The following FHL2 variants were observed in gnomAD, a reference collection of about 807,000 sequenced individuals.
FHL2 encodes four and a half LIM domains protein 2.
In FHL2, 20 loss-of-function variants were observed where a neutral mutation model predicts 32.7. The ratio of observed to expected loss-of-function variants is 0.61; its 90% CI spans 0.43 to 0.89. The LOEUF is 0.89. Among genes scored for constraint, FHL2 ranks in the 40% least tolerant of loss-of-function variants. FHL2 has a pLI of 0.00. For missense variants in FHL2, 311 were observed against 358.6 expected (o/e 0.87, Z 1.07); for synonymous variants, 123 against 128.1 (o/e 0.96, Z 0.27).
At chr2:105,399,846 G>A (rs886493825), upstream of FHL2, among the ~76,000 whole-genome samples, 2 of 152,230 alleles carry the variant, frequency 1.3e-5, no homozygotes, top group Non-Finnish European at 2.9e-5. Context: ...CGGTCCACTT[G>A]CAGAAACCGG....
chr2:105,393,301 T>A (rs956717558), intron 2 of FHL2, among the ~76,000 whole-genome samples: 1 of 152,056 alleles, frequency 6.6e-6, no homozygotes, highest in African/African-American at 2.4e-5. Context: ...TAAGGAGAAA[T>A]CTGTGAACGT....
chr2:105,396,707 G>T lies in FHL2; in HGVS notation c.-75-10C>A. 6.2e-7 allele frequency: 1 copy of T among 1,612,504 alleles called. No homozygotes were observed. The highest frequency in any genetic ancestry group is 8.5e-7 in the Non-Finnish European group (1 of 1,179,704). The stretch of plus-strand genomic sequence containing the variant: ...ACACAGTTCTCAGCCACTAGAGAAA[G>T]CACACGTGTTTTGTTTCAGATGGTC... On this transcript the variant is annotated splice_polypyrimidine_tract_variant and intron_variant, in intron 1 of 6. Coordinates refer to ENST00000530340, the MANE Select transcript of FHL2 (RefSeq NM_001318895.3).
At chr2:105,407,252 C>T (rs1229985839) in intron 1 of FHL2, among the ~76,000 whole-genome samples, 3 of 151,992 alleles carry the variant, frequency 2.0e-5, no homozygotes, top group East Asian at 1.9e-4. Flanking sequence ...ATTAGCTGGA[C>T]GTGGTGGCGG....
chr2:105,397,881 G>GTTTTTTTTTTTTTTT (rs749684273), intron 1 of FHL2, among the ~76,000 whole-genome samples: 1 of 116,300 alleles, frequency 8.6e-6, no homozygotes, highest in African/African-American at 3.1e-5. Context: ...TTGTTTTTTT[G>GTTTTTTTTTTTTTTT]TTTTTTGTTT....
At chr2:105,395,973 C>T (rs538652696) in intron 2 of FHL2, among the ~76,000 whole-genome samples, 3 of 152,112 alleles carry the variant, frequency 2.0e-5, no homozygotes, top group African/African-American at 4.8e-5. Flanking sequence ...CCAGACCCCT[C>T]GTGACATCCC....
chr2:105,402,564 A>T (rs1013052913), upstream of FHL2, among the ~76,000 whole-genome samples: 4 of 152,150 alleles, frequency 2.6e-5, no homozygotes, highest in African/African-American at 9.6e-5. Flanking sequence ...AATATATTTT[A>T]AAAATAAAAG....
chr2:105,358,410 G>A (rs1265030821), downstream of FHL2: 1 of 152,240 alleles, frequency 6.6e-6, no homozygotes, highest in African/African-American at 2.4e-5. Flanking sequence ...GCAGGCTAGG[G>A]TAGGGGCAAT....
At chr2:105,360,174 G>C (rs955359025), downstream of FHL2, 3 of 152,062 alleles carry the variant, frequency 2.0e-5, no homozygotes, top group East Asian at 5.9e-4. Flanking sequence ...AATGGTGGGT[G>C]CCTGTAATCC....
At chr2:105,437,126 C>A (rs1223265893) in intron 1 of FHL2, among the ~76,000 whole-genome samples, 3 of 152,158 alleles carry the variant, frequency 2.0e-5, no homozygotes, top group African/African-American at 7.2e-5. Context: ...GGTGAGCAGT[C>A]AGGGAACCCC....
At chr2:105,399,294 C>T (rs959785881), upstream of FHL2, 3 of 1,535,812 alleles carry the variant, frequency 2.0e-6, no homozygotes, top group Admixed American at 3.9e-5. Flanking sequence ...GGAGCGTCGC[C>T]TCCGGCGTGG....
At chr2:105,426,323 A>G (rs539019717) in intron 1 of FHL2, among the ~76,000 whole-genome samples, 1 of 152,374 alleles carries the variant, frequency 6.6e-6, no homozygotes, top group East Asian at 1.9e-4. Flanking sequence ...GTCAGTATTC[A>G]TTTTTGACGT....
In FHL2 at chr2:105,396,662, C is replaced by T. The variant is rs865854416; in HGVS notation, c.-40G>A. The T allele has an allele frequency of 1.2e-6, 2 of 1,612,764 alleles. No homozygotes were observed. Among genetic ancestry groups the T allele is most frequent in the South Asian group, 1.1e-5 (1 of 91,052 alleles). The stretch of plus-strand genomic sequence containing the variant: ...CTTGACTCACCCCAAAGTCAAAATG[C>T]CAGCCTAGTCTCCAGGAAGACACAG... On this transcript the variant is annotated 5_prime_UTR_variant, in exon 2 of 7. Transcript: ENST00000530340.
intron 3 of FHL2, among the ~76,000 whole-genome samples, chr2:105,385,018 G>A (rs1433397293): frequency 6.6e-6 from 1 of 152,236 alleles, no homozygotes; most frequent in African/African-American, 2.4e-5. Context: ...CAGGATACAG[G>A]AAGATACACA....
chr2:105,425,608 A>G (rs947351216), intron 1 of FHL2, among the ~76,000 whole-genome samples: 1 of 152,086 alleles, frequency 6.6e-6, no homozygotes, highest in Non-Finnish European at 1.5e-5. Context: ...ACATTTGTTC[A>G]ACTCTGAGAT....
At chr2:105,393,021 C>A (rs542432036) in intron 2 of FHL2, among the ~76,000 whole-genome samples, 3 of 150,948 alleles carry the variant, frequency 2.0e-5, no homozygotes, top group Admixed American at 2.0e-4. Context: ...AGATTTCGAT[C>A]AAAGGAGGGG....
intron 2 of FHL2, among the ~76,000 whole-genome samples, chr2:105,388,077 G>A (rs1682451225): frequency 6.6e-6 from 1 of 152,134 alleles, no homozygotes; most frequent in South Asian, 2.1e-4. Context: ...ACACAAAGAG[G>A]TAAACAACAG....
chr2:105,389,171 T>G (rs1682542672), intron 2 of FHL2, among the ~76,000 whole-genome samples: 1 of 152,324 alleles, frequency 6.6e-6, no homozygotes, highest in Non-Finnish European at 1.5e-5. Context: ...AAATCACTCT[T>G]CCTGGAGTTA....
chr2:105,415,454 T>C (rs893422207), intron 1 of FHL2, among the ~76,000 whole-genome samples: 1 of 152,256 alleles, frequency 6.6e-6, no homozygotes, highest in Non-Finnish European at 1.5e-5. Context: ...CCGTGTGCAT[T>C]GATTACCTGT....
intron 2 of FHL2, among the ~76,000 whole-genome samples, chr2:105,389,150 T>C (rs1682541027): frequency 6.6e-6 from 1 of 152,352 alleles, no homozygotes; most frequent in Non-Finnish European, 1.5e-5. Flanking sequence ...TGCGGCAAGA[T>C]CCGTCCTTCT....
Sources: allele counts gnomAD v4.1 joint callset (sites outside exome capture counted in the v4.1 genomes callset), GRCh38; gene constraint gnomAD v4.1.1; transcripts MANE v1.5; gene names NCBI Gene and HGNC (gene_info 2026-07-23, HGNC 2026-07-21).